The following BCR variants were observed in gnomAD, a reference collection of about 807,000 sequenced individuals.
BCR encodes the protein BCR activator of RhoGEF and GTPase, also known as breakpoint cluster region protein.
BCR carries 58 observed loss-of-function variants against 138.6 expected under a neutral mutation model. The observed-to-expected ratio is 0.42, with a 90% CI of 0.34 to 0.52. The LOEUF (loss-of-function observed/expected upper bound fraction) is 0.52. Among genes scored for constraint, BCR ranks in the 20% least tolerant of loss-of-function variants. The pLI, the probability that BCR is intolerant of heterozygous loss-of-function variation, is 0.06. For synonymous variants in BCR, 786 were observed against 730.1 expected (o/e 1.08, Z -1.23); for missense variants, 1,599 against 1,727.2 (o/e 0.93, Z 1.32).
At chr22:23,190,411 G>A (rs2072399106) in intron 1 of BCR, among the ~76,000 whole-genome samples, 2 of 151,906 alleles carry the variant, frequency 1.3e-5, no homozygotes, top group East Asian at 3.9e-4. Flanking sequence ...TAGGTGATCC[G>A]CCCTCCTCGG....
intron 8 of BCR, among the ~76,000 whole-genome samples, chr22:23,275,236 C>T (rs532884823): frequency 6.6e-6 from 1 of 152,244 alleles, no homozygotes; most frequent in South Asian, 2.1e-4. Flanking sequence ...GCTGTCCCTT[C>T]CATTCCGCTC....
intron 16 of BCR, among the ~76,000 whole-genome samples, chr22:23,300,352 A>G (rs1036885114): frequency 3.3e-5 from 5 of 152,176 alleles, no homozygotes; most frequent in African/African-American, 7.2e-5. Flanking sequence ...GCATGTCCTC[A>G]AGGCTCACCC....
intron 1 of BCR, among the ~76,000 whole-genome samples, chr22:23,206,878 T>G (rs1385181201): frequency 7.3e-6 from 1 of 136,126 alleles, no homozygotes; most frequent in East Asian, 1.9e-4. Context: ...AACCATCCAT[T>G]TAACTATTCT....
chr22:23,186,545 T>C (rs1601990281), intron 1 of BCR, among the ~76,000 whole-genome samples: 1 of 152,146 alleles, frequency 6.6e-6, no homozygotes, highest in Non-Finnish European at 1.5e-5. Context: ...GAATAATAAC[T>C]CCCCATTCCC....
chr22:23,268,358 T>C (rs768187713), intron 4 of BCR, 50 bp from the exon 5 acceptor site: 2 of 1,448,562 alleles, frequency 1.4e-6, no homozygotes, highest in African/African-American at 2.8e-5. Context: ...TTCAGAAAGA[T>C]GGGGGAGCAG....
intron 1 of BCR, among the ~76,000 whole-genome samples, chr22:23,183,111 A>G (rs887452920): frequency 5.9e-5 from 9 of 152,194 alleles, no homozygotes; most frequent in Admixed American, 5.9e-4. Flanking sequence ...TAGCACTAAG[A>G]TTAAAACTAT....
intron 8 of BCR, among the ~76,000 whole-genome samples, chr22:23,275,745 T>C (rs1338582914): frequency 1.3e-5 from 2 of 152,202 alleles, no homozygotes; most frequent in African/African-American, 4.8e-5. Flanking sequence ...CTGGGTGGGT[T>C]CCTGCCAGGT....
intron 8 of BCR, among the ~76,000 whole-genome samples, chr22:23,278,201 G>A (rs1342973525): frequency 1.3e-5 from 2 of 152,190 alleles, no homozygotes; most frequent in East Asian, 1.9e-4. Context: ...CATAGCGGAC[G>A]ATCCAGTTTG....
At chr22:23,315,359 C>A in intron 22 of BCR, 74 bp from the exon 23 acceptor site, 2 of 1,396,164 alleles carry the variant, frequency 1.4e-6, no homozygotes, top group Non-Finnish European at 2.0e-6. Flanking sequence ...GAGGCTTGGG[C>A]CCCAAAGACC....
chr22:23,268,261 G>GC (rs1305465567), intron 4 of BCR, 147 bp from the exon 5 acceptor site: 6 of 594,252 alleles, frequency 1.0e-5, no homozygotes, highest in African/African-American at 7.7e-5. Flanking sequence ...GTGGGAGGGA[G>GC]CAGCACGGAA....
intron 1 of BCR, among the ~76,000 whole-genome samples, chr22:23,250,866 G>A (rs752234348): frequency 6.6e-6 from 1 of 152,132 alleles, no homozygotes; most frequent in African/African-American, 2.4e-5. Flanking sequence ...AGGCATGGGC[G>A]GCCTCAGTGA....
intron 1 of BCR, among the ~76,000 whole-genome samples, chr22:23,214,726 G>T (rs1488997840): frequency 6.6e-6 from 1 of 152,210 alleles, no homozygotes; most frequent in African/African-American, 2.4e-5. Context: ...CAGAGTCGGC[G>T]TTTGTGAGCG....
chr22:23,275,826 C>T (rs1231916828), intron 8 of BCR, among the ~76,000 whole-genome samples: 7 of 152,194 alleles, frequency 4.6e-5, no homozygotes, highest in Admixed American at 4.6e-4. Context: ...CTCTGACCTC[C>T]TGGGAAGTGA....
At chr22:23,240,929 G>A (rs936351193) in intron 1 of BCR, among the ~76,000 whole-genome samples, 11 of 152,236 alleles carry the variant, frequency 7.2e-5, no homozygotes, top group South Asian at 2.1e-4. Flanking sequence ...GGAATCTTAC[G>A]GTATTTGTTT....
chr22:23,304,893 T>C (rs1323136221), intron 16 of BCR, among the ~76,000 whole-genome samples: 1 of 152,096 alleles, frequency 6.6e-6, no homozygotes, highest in Admixed American at 6.5e-5. Flanking sequence ...GTTGGGTGGA[T>C]TGCTTTAGGT....
chr22:23,189,775 T>C (rs969019694), intron 1 of BCR, among the ~76,000 whole-genome samples: 1 of 152,082 alleles, frequency 6.6e-6, no homozygotes, highest in Non-Finnish European at 1.5e-5. Flanking sequence ...GCTGGGATTA[T>C]AGGCATGAGC....
intron 4 of BCR, chr22:23,263,403 C>T (rs1007971590): frequency 2.8e-5 from 35 of 1,255,834 alleles, no homozygotes; most frequent in Middle Eastern, 1.9e-4. Flanking sequence ...GACCAGTGTC[C>T]CAGTGAAGGT....
chr22:23,297,206 T>TG (rs2073854245), intron 16 of BCR, among the ~76,000 whole-genome samples: 1 of 137,142 alleles, frequency 7.3e-6, no homozygotes, highest in Non-Finnish European at 1.6e-5. Flanking sequence ...CTGGCTAAGT[T>TG]GTTTTTTGTT....
Position 23,283,957 on chromosome 22 carries a change from A to T in BCR, c.2116-20A>T. The T allele has an allele frequency of 2.5e-6, 4 of 1,577,534 alleles. No homozygotes were observed. Among genetic ancestry groups the T allele is most frequent in the Non-Finnish European group, 3.4e-6 (4 of 1,161,296 alleles). Reference sequence around the variant, plus strand: ...ATCACCCCAGGCTGGCCCTGACCCCAGCCTTCCCTGTGCCTGCAGCACCGG... The same window carrying T: ...ATCACCCCAGGCTGGCCCTGACCCCTGCCTTCCCTGTGCCTGCAGCACCGG... On this transcript the variant is annotated intron_variant, in intron 8 of 22. Transcript: ENST00000305877.
Sources: gnomAD v4.1 joint callset for allele counts (sites outside exome capture counted in the v4.1 genomes callset) on GRCh38, gnomAD v4.1.1 for gene constraint, MANE v1.5 for transcripts, NCBI Gene and HGNC (gene_info 2026-07-23, HGNC 2026-07-21) for gene names.